Variants in MLLT10 observed in about 807,000 individuals in gnomAD.
MLLT10 encodes the protein protein AF-10.
Under a neutral mutation model 129.1 loss-of-function variants are expected in MLLT10, and 30 were observed. The observed-to-expected ratio is 0.23, with a 90% CI of 0.17 to 0.32. The LOEUF (loss-of-function observed/expected upper bound fraction) is 0.32. Ranked by LOEUF, MLLT10 falls within the 10% of genes least tolerant of loss-of-function variation. The probability of loss-of-function intolerance (pLI) is 1.00; values close to 1 mark genes in which losing one functional copy is unlikely to be tolerated. For missense variants in MLLT10, 1,119 were observed against 1,268.3 expected, an observed-to-expected ratio of 0.88 and a Z score of 1.79; for synonymous variants, 490 against 446.4, an observed-to-expected ratio of 1.10 and a Z score of -1.23.
Position 21,639,027 on chromosome 10 carries a change from C to A in MLLT10, c.700-12646C>A, listed in dbSNP as rs1021220104. 1.2e-4 allele frequency among the ~76,000 whole-genome samples: 18 copies of A among 152,132 alleles called. 1 individual carries two copies. The highest frequency in any genetic ancestry group is 1.5e-5 in the Non-Finnish European group (1 of 68,022). On this transcript the variant is annotated intron_variant, in intron 8 of 22. Transcript: ENST00000307729. ...GTTGACCGTACAATTTTTCATTTTT[C>A]GACTTTCCTCAGATCCCATTAATTG...
intron 21 of MLLT10, among the ~76,000 whole-genome samples, chr10:21,735,497 G>A (rs1038810007): frequency 6.6e-6 from 1 of 152,154 alleles, no homozygotes; most frequent in East Asian, 1.9e-4. Context: ...TTTTCCCGGA[G>A]CTTCATTTTG....
In MLLT10 at chr10:21,740,230, A is replaced by G. The variant is rs1304369835; in HGVS notation, c.3156A>G (p.Lys1052=). 6.2e-7 allele frequency: 1 copy of G among 1,613,636 alleles called. No individual in the cohort carries two copies. Among genetic ancestry groups the G allele is most frequent in the Non-Finnish European group, 8.5e-7 (1 of 1,179,638 alleles). The change falls in exon 22 of 23, where the codon AAA becomes AAG. Residue 1052 remains lysine, a synonymous_variant. Transcript: ENST00000307729. ...LTIHGDNASQ[K]VARLSDKTGP... ...TCCATGGAGATAATGCAAGTCAGAA[A>G]GTAGCAGTAAGTATATTTTCCTTAC...
chr10:21,680,475 A>G (rs983874876), intron 11 of MLLT10, among the ~76,000 whole-genome samples: 4 of 152,112 alleles, frequency 2.6e-5, no homozygotes, highest in African/African-American at 9.7e-5. Context: ...TGCTGGGATT[A>G]CAGGCATGAG....
intron 3 of MLLT10, among the ~76,000 whole-genome samples, chr10:21,545,424 T>A (rs1330414703): frequency 6.6e-6 from 1 of 152,026 alleles, no homozygotes; most frequent in Admixed American, 6.6e-5. Context: ...GCTGAAGGAC[T>A]AAGAAAAGTT....
At chr10:21,592,139 A>G (rs2131117160) in intron 4 of MLLT10, among the ~76,000 whole-genome samples, 1 of 152,188 alleles carries the variant, frequency 6.6e-6, no homozygotes, top group African/African-American at 2.4e-5. Context: ...AAACCCTACC[A>G]GTGTTTTAAT....
chr10:21,700,108 C>CT (rs79032638), intron 13 of MLLT10, among the ~76,000 whole-genome samples: 16,509 of 126,874 alleles, frequency 0.13, 1,261 homozygotes, highest in Non-Finnish European at 0.19. Context: ...TAAATGTATT[C>CT]TTTTTTTTTT....
chr10:21,565,341 A>T (rs1462068218), intron 3 of MLLT10, among the ~76,000 whole-genome samples: 1 of 151,988 alleles, frequency 6.6e-6, no homozygotes, highest in Non-Finnish European at 1.5e-5. Flanking sequence ...GGAATCTTGC[A>T]CTGTAGCCTG....
chr10:21,625,293 C>T, intron 8 of MLLT10: 1 of 865,126 alleles, frequency 1.2e-6, no homozygotes, highest in Admixed American at 1.9e-5. Context: ...TTCATTTCAT[C>T]CATAGCCATA....
At chr10:21,535,032 C>T (rs2033612963) in intron 2 of MLLT10, among the ~76,000 whole-genome samples, 1 of 149,502 alleles carries the variant, frequency 6.7e-6, no homozygotes, top group Non-Finnish European at 1.5e-5. Context: ...GTCATTCGGC[C>T]GCCGCCTGCG....
chr10:21,668,021 ACT>A (rs896320997), intron 9 of MLLT10, among the ~76,000 whole-genome samples: 2 of 152,072 alleles, frequency 1.3e-5, no homozygotes, highest in African/African-American at 4.8e-5. Flanking sequence ...TACTTCAGAG[ACT>A]CTCAGTACAG....
intron 21 of MLLT10, chr10:21,738,399 T>A (rs986041878): frequency 7.8e-7 from 1 of 1,288,246 alleles, no homozygotes; most frequent in African/African-American, 1.5e-5. Flanking sequence ...TTTACTCTAA[T>A]AATAGCATGT....
intron 9 of MLLT10, among the ~76,000 whole-genome samples, chr10:21,655,200 G>C (rs1405353660): frequency 6.6e-6 from 1 of 152,138 alleles, no homozygotes; most frequent in Non-Finnish European, 1.5e-5. Flanking sequence ...AGAGAGACTG[G>C]AGGTTATAAA....
intron 3 of MLLT10, chr10:21,564,477 A>G (rs2131010608): frequency 6.6e-6 from 1 of 150,380 alleles, no homozygotes; most frequent in African/African-American, 2.4e-5. Flanking sequence ...TTCTTTTAAT[A>G]TGGAACACTT....
intron 3 of MLLT10, among the ~76,000 whole-genome samples, chr10:21,554,327 A>C (rs968949625): frequency 6.6e-6 from 1 of 152,072 alleles, no homozygotes; most frequent in African/African-American, 2.4e-5. Context: ...TTCACTTAAA[A>C]ATTTTTTTGT....
At chr10:21,645,788 G>A (rs1232943251) in intron 8 of MLLT10, among the ~76,000 whole-genome samples, 1 of 152,136 alleles carries the variant, frequency 6.6e-6, no homozygotes, top group Admixed American at 6.5e-5. Flanking sequence ...TTGGCCTTAA[G>A]ATATGAACTT....
intron 14 of MLLT10, among the ~76,000 whole-genome samples, chr10:21,723,239 T>C (rs974986627): frequency 6.6e-6 from 1 of 152,180 alleles, no homozygotes; most frequent in Non-Finnish European, 1.5e-5. Context: ...TTAGTATATA[T>C]AGATCTAATA....
chr10:21,629,068 C>T (rs1215972253), intron 8 of MLLT10, among the ~76,000 whole-genome samples: 2 of 151,668 alleles, frequency 1.3e-5, no homozygotes, highest in East Asian at 3.9e-4. Flanking sequence ...TCTAAGATGA[C>T]TTACTCACAT....
At chr10:21,623,673 TAAGG>T (rs1407879215) in intron 8 of MLLT10, among the ~76,000 whole-genome samples, 1 of 152,254 alleles carries the variant, frequency 6.6e-6, no homozygotes, top group East Asian at 1.9e-4. Context: ...TAATCTTTAA[TAAGG>T]AAGTCATTGC....
intron 11 of MLLT10, among the ~76,000 whole-genome samples, chr10:21,677,366 G>A (rs1404765251): frequency 6.6e-6 from 1 of 152,164 alleles, no homozygotes; most frequent in Non-Finnish European, 1.5e-5. Flanking sequence ...TAAGTAGGAA[G>A]GAGAAAATGT....
Sources: gnomAD v4.1 joint callset for allele counts (sites outside exome capture counted in the v4.1 genomes callset) on GRCh38, gnomAD v4.1.1 for gene constraint, MANE v1.5 for transcripts, NCBI Gene and HGNC (gene_info 2026-07-23, HGNC 2026-07-21) for gene names.